The following AKR1C3 variants were observed in gnomAD, a reference collection of about 807,000 sequenced individuals.
AKR1C3 encodes 3-alpha hydroxysteroid dehydrogenase, type II.
Under a neutral mutation model 43.6 loss-of-function variants are expected in AKR1C3, and 48 were observed. The ratio of observed to expected loss-of-function variants is 1.10; its 90% CI spans 0.87 to 1.40. AKR1C3 has a LOEUF of 1.40. AKR1C3 is among the 40% of genes most tolerant of loss of function. The probability of loss-of-function intolerance (pLI) is 0.00; values close to 1 mark genes in which losing one functional copy is unlikely to be tolerated. For synonymous variants in AKR1C3, 162 were observed against 139.6 expected (o/e 1.16, Z -1.13); for missense variants, 482 against 391.2 (o/e 1.23, Z -1.96).
intron 3 of AKR1C3, chr10:5,098,162 G>A (rs1554785453): frequency 1.0e-6 from 1 of 985,846 alleles, no homozygotes; most frequent in Middle Eastern, 5.2e-4. Flanking sequence ...ACTGAGTTAT[G>A]TAAAATGGGA....
intron 1 of AKR1C3, among the ~76,000 whole-genome samples, chr10:5,067,825 C>T (rs181474251): frequency 6.6e-5 from 10 of 152,190 alleles, no homozygotes; most frequent in African/African-American, 2.4e-4. Flanking sequence ...TCATGGAGTG[C>T]AGAACTTTTA....
chr10:5,081,192 A>G (rs1387580761), intron 1 of AKR1C3, among the ~76,000 whole-genome samples: 4 of 152,188 alleles, frequency 2.6e-5, no homozygotes, highest in Non-Finnish European at 5.9e-5. Context: ...GGGCCTTGTA[A>G]TACAGGCTAT....
At chr10:5,069,874 CA>C (rs532638950) in intron 1 of AKR1C3, among the ~76,000 whole-genome samples, 78 of 142,818 alleles carry the variant, frequency 5.5e-4, no homozygotes, top group Admixed American at 7.7e-4. Context: ...AACTCTGTCT[CA>C]AAAAAAAAAA....
intron 1 of AKR1C3, among the ~76,000 whole-genome samples, chr10:5,054,965 G>A (rs1264642094): frequency 1.3e-5 from 2 of 152,204 alleles, no homozygotes; most frequent in African/African-American, 4.8e-5. Context: ...ATTTAATGGG[G>A]GTTCCCCCAG....
chr10:5,054,941 A>C (rs1170113649), intron 1 of AKR1C3, among the ~76,000 whole-genome samples: 2 of 152,226 alleles, frequency 1.3e-5, no homozygotes, highest in African/African-American at 4.8e-5. Flanking sequence ...ATAACTCTAT[A>C]ATTTCCTTAT....
chr10:5,082,681 A>G (rs1370466788), intron 1 of AKR1C3, among the ~76,000 whole-genome samples: 3 of 152,038 alleles, frequency 2.0e-5, no homozygotes, highest in African/African-American at 4.8e-5. Context: ...TTGATGTGCT[A>G]TTGGATTTAG....
At chr10:5,094,346 A>G, upstream of AKR1C3, 2 of 1,057,776 alleles carry the variant, frequency 1.9e-6, no homozygotes, top group Non-Finnish European at 1.4e-6. Flanking sequence ...ACCATCAGTC[A>G]GTTTGCAGGG....
intron 5 of AKR1C3, among the ~76,000 whole-genome samples, chr10:5,100,350 A>G (rs1339758217): frequency 6.6e-6 from 1 of 152,194 alleles, no homozygotes; most frequent in Non-Finnish European, 1.5e-5. Flanking sequence ...AGTGGATGAA[A>G]TCAACACTGA....
intron 5 of AKR1C3, among the ~76,000 whole-genome samples, chr10:5,100,729 T>C (rs1043941386): frequency 3.9e-5 from 6 of 152,218 alleles, no homozygotes; most frequent in African/African-American, 1.4e-4. Flanking sequence ...CATATCCAAA[T>C]AGAAACATTA....
chr10:5,104,326 A>C (rs953346295), intron 7 of AKR1C3, among the ~76,000 whole-genome samples: 4 of 152,196 alleles, frequency 2.6e-5, no homozygotes, highest in African/African-American at 9.6e-5. Flanking sequence ...TTCTAAATTG[A>C]TATCAAAAGG....
At chr10:5,063,206 C>A (rs1267433930) in intron 1 of AKR1C3, among the ~76,000 whole-genome samples, 1 of 152,020 alleles carries the variant, frequency 6.6e-6, no homozygotes, top group African/African-American at 2.4e-5. Flanking sequence ...AATATGTACA[C>A]AATGTAGAAA....
Position 5,099,425 on chromosome 10 carries a change from C to G in AKR1C3, c.546C>G (p.Leu182=), listed in dbSNP as rs17849485. 2 of 1,614,196 alleles carry G rather than the reference C, an allele frequency of 1.2e-6. No homozygotes were observed. The highest frequency in any genetic ancestry group is 1.7e-6 in the Non-Finnish European group (2 of 1,180,040). The change falls in exon 5 of 9, where the codon CTC becomes CTG. Residue 182 remains leucine (L), a synonymous_variant. Transcript: ENST00000380554. ...AGATGATCCTCAACAAGCCAGGACT[C>G]AAGTACAAGCCTGTCTGCAACCAGG... ...QLEMILNKPG[L]KYKPVCNQVE...
intron 1 of AKR1C3, among the ~76,000 whole-genome samples, chr10:5,068,824 G>A (rs1453617928): frequency 4.6e-5 from 7 of 152,182 alleles, no homozygotes; most frequent in Non-Finnish European, 7.3e-5. Flanking sequence ...GGGCCATCCC[G>A]AGTGGGCTGT....
chr10:5,090,485 T>G (rs1839066608), upstream of AKR1C3, among the ~76,000 whole-genome samples: 2 of 152,232 alleles, frequency 1.3e-5, no homozygotes, highest in East Asian at 3.9e-4. Context: ...AATAAAAAAC[T>G]ACTGTCCCAT....
chr10:5,071,684 T>C (rs781966268), intron 1 of AKR1C3, among the ~76,000 whole-genome samples: 9 of 152,154 alleles, frequency 5.9e-5, no homozygotes, highest in Non-Finnish European at 8.8e-5. Context: ...ACTCACGGCT[T>C]CCAAAAGAAT....
upstream of AKR1C3, among the ~76,000 whole-genome samples, chr10:5,093,115 C>T (rs2131833135): frequency 6.6e-6 from 1 of 152,148 alleles, no homozygotes; most frequent in East Asian, 1.9e-4. Flanking sequence ...CAAAAATTCA[C>T]ACCCCAGCTT....
intron 1 of AKR1C3, among the ~76,000 whole-genome samples, chr10:5,077,039 C>T (rs1202595505): frequency 1.3e-5 from 2 of 152,122 alleles, no homozygotes; most frequent in Non-Finnish European, 2.9e-5. Context: ...TTTACATGAA[C>T]TTGAATTGTT....
intron 1 of AKR1C3, among the ~76,000 whole-genome samples, chr10:5,064,831 C>A (rs1367151010): frequency 1.3e-5 from 2 of 150,388 alleles, no homozygotes; most frequent in South Asian, 4.2e-4. Flanking sequence ...AATGAGATAC[C>A]ATCTCATACC....
At chr10:5,088,147 T>C (rs1391248694) in intron 1 of AKR1C3, among the ~76,000 whole-genome samples, 2 of 152,210 alleles carry the variant, frequency 1.3e-5, no homozygotes, top group South Asian at 2.1e-4. Context: ...CCTCTTGATA[T>C]TGATTTCTAG....
Sources: gnomAD v4.1 joint callset for allele counts (sites outside exome capture counted in the v4.1 genomes callset) on GRCh38, gnomAD v4.1.1 for gene constraint, MANE v1.5 for transcripts, NCBI Gene and HGNC (gene_info 2026-07-23, HGNC 2026-07-21) for gene names.